The following PPP1R12A variants were observed in gnomAD, a reference collection of about 807,000 sequenced individuals.
PPP1R12A encodes the protein myosin binding subunit.
Under a neutral mutation model 139.6 loss-of-function variants are expected in PPP1R12A, and 19 were observed. The ratio of observed to expected loss-of-function variants is 0.14; its 90% CI spans 0.09 to 0.20. The LOEUF is 0.20. PPP1R12A is among the 10% of genes least tolerant of loss of function. The pLI is 1.00. For synonymous variants in PPP1R12A, 427 were observed against 420.6 expected (o/e 1.02, Z -0.19); for missense variants, 925 against 1,211.5 (o/e 0.76, Z 3.51).
chr12:79,928,460 G>A (rs1447338794), intron 1 of PPP1R12A, among the ~76,000 whole-genome samples: 1 of 152,170 alleles, frequency 6.6e-6, no homozygotes. Context: ...GTTTGTTTAG[G>A]TAGGTTTTTA....
intron 3 of PPP1R12A, among the ~76,000 whole-genome samples, chr12:79,842,575 T>TTGTGTGTGTGTGTG (rs148792533): frequency 2.5e-4 from 36 of 143,934 alleles, no homozygotes; most frequent in African/African-American, 7.7e-4. Flanking sequence ...ATGTGGCACT[T>TTGTGTGTGTGTGTG]TGTGTGTGTG....
intron 1 of PPP1R12A, among the ~76,000 whole-genome samples, chr12:79,910,577 G>T (rs930918308): frequency 6.6e-6 from 1 of 150,874 alleles, no homozygotes. Context: ...AATCTTATAA[G>T]AGCTATGTAA....
At chr12:79,886,710 A>G (rs946212029) in intron 1 of PPP1R12A, among the ~76,000 whole-genome samples, 1 of 152,192 alleles carries the variant, frequency 6.6e-6, no homozygotes, top group African/African-American at 2.4e-5. Context: ...AATTCAAGAC[A>G]AAAAACCCAC....
chr12:79,930,241 T>G (rs1460770162), intron 1 of PPP1R12A, among the ~76,000 whole-genome samples: 1 of 151,996 alleles, frequency 6.6e-6, no homozygotes, highest in Non-Finnish European at 1.5e-5. Flanking sequence ...AAATAAAAAA[T>G]GTAAAGATCT....
intron 4 of PPP1R12A, 132 bp downstream of exon 4, chr12:79,832,200 C>T (rs1226627261): frequency 2.6e-6 from 2 of 780,862 alleles, no homozygotes; most frequent in Middle Eastern, 3.3e-4. Context: ...TTTTCTCTTT[C>T]TTCCTGAAAA....
chr12:79,867,484 TA>T (rs996386318), intron 2 of PPP1R12A, among the ~76,000 whole-genome samples: 4 of 150,228 alleles, frequency 2.7e-5, no homozygotes, highest in African/African-American at 9.9e-5. Context: ...TAAAATAAAA[TA>T]GAAAATATGT....
chr12:79,883,159 CA>C (rs965308728), intron 1 of PPP1R12A, among the ~76,000 whole-genome samples: 28 of 151,500 alleles, frequency 1.8e-4, no homozygotes, highest in African/African-American at 6.8e-4. Flanking sequence ...CAAAACAAAA[CA>C]AAAAAAACCC....
At chr12:79,919,289 G>A (rs1436727637) in intron 1 of PPP1R12A, among the ~76,000 whole-genome samples, 1 of 151,950 alleles carries the variant, frequency 6.6e-6, no homozygotes, top group Non-Finnish European at 1.5e-5. Context: ...GGGCGCGGTG[G>A]CTCACACCTG....
intron 5 of PPP1R12A, chr12:79,823,899 TA>T (rs1361897408): frequency 6.6e-6 from 1 of 152,166 alleles, no homozygotes; most frequent in African/African-American, 2.4e-5. Context: ...CTATGAAGAA[TA>T]TCTTCAAAGT....
At chr12:79,800,267 T>C (rs573173129) in intron 14 of PPP1R12A, among the ~76,000 whole-genome samples, 4 of 152,114 alleles carry the variant, frequency 2.6e-5, no homozygotes, top group Non-Finnish European at 4.4e-5. Flanking sequence ...TCTGCCTCCT[T>C]CCACCTCCAC....
chr12:79,797,770 T>C (rs1367862151), intron 15 of PPP1R12A, among the ~76,000 whole-genome samples: 1 of 152,058 alleles, frequency 6.6e-6, no homozygotes, highest in Non-Finnish European at 1.5e-5. Flanking sequence ...TTAAAAGAGA[T>C]TTCGATAAAT....
In PPP1R12A at chr12:79,786,430, G is replaced by A; in HGVS notation, c.2851C>T (p.His951Tyr). Residue 951 changes from histidine (H) to tyrosine (Y), a missense_variant, in exon 22 of 25, where the codon CAT becomes TAT. Coordinates refer to ENST00000450142, the MANE Select transcript of PPP1R12A (RefSeq NM_002480.3). ...TCTGTTAGTTCCATATTTGTATCAT[G>A]TAGCTGTGCCTTCAGCTTTTCATTT... ...AENEKLKAQL[H>Y]DTNMELTDLK... The A allele has an allele frequency of 6.4e-7, 1 of 1,564,366 alleles. No individual in the cohort carries two copies. Among genetic ancestry groups the A allele is most frequent in the Non-Finnish European group, 8.7e-7 (1 of 1,153,778 alleles).
rs1388715382 is a variant in PPP1R12A at position 79,808,651 on chromosome 12, A to C, written c.1456-74T>G. The C allele has an allele frequency of 3.3e-5, 26 of 786,656 alleles. No homozygotes were observed. In the East Asian group the frequency reaches 5.8e-4, roughly 18 times the overall value. The allele number at this position is 786,656 out of a possible 1,614,324, so 48.7% of individuals were successfully genotyped here. A position where few individuals can be genotyped will look rare whatever the true frequency, so the allele number is the denominator to read the frequency against. ...ATAGGCAATGCTAAAAGTATTAAGA[A>C]AAGGTTATTCAATAATTATAATTAC... On this transcript the variant is annotated intron_variant, in intron 10 of 24. Transcript: ENST00000450142.
rs991483268 is a variant in PPP1R12A at position 79,805,692 on chromosome 12, C to A, written c.1900G>T (p.Val634Phe). The change falls in exon 14 of 25, where the codon GTT (valine) becomes TTT (phenylalanine). Residue 634 changes from valine (V) to phenylalanine (F), a missense_variant. Val to Phe is a conservative substitution (Grantham distance 50). This residue lies in a region of PPP1R12A where 403 missense variants were observed against 463.7 expected (regional missense o/e 0.87). Transcript: ENST00000450142. ...GCAGCATTTACAACAGTTGGAGCAA[C>A]AGGAATGGTCACTGCCGTAGGAACA... ...DSVPTAVTIP[V>F]APTVVNAAAS... The A allele has an allele frequency of 6.2e-7, 1 of 1,613,510 alleles. No individual in the cohort carries two copies. The highest frequency in any genetic ancestry group is 8.5e-7 in the Non-Finnish European group (1 of 1,179,694).
At chr12:79,779,445 G>T (rs1182765815) in intron 23 of PPP1R12A, 1 of 931,880 alleles carries the variant, frequency 1.1e-6, no homozygotes, top group East Asian at 6.1e-5. Context: ...CTGATATTTA[G>T]TCAAGCAGTA....
intron 1 of PPP1R12A, among the ~76,000 whole-genome samples, chr12:79,908,170 T>G (rs143682615): frequency 1.3e-5 from 2 of 152,330 alleles, no homozygotes; most frequent in East Asian, 3.9e-4. Context: ...TGTTAACTCT[T>G]ACAGTGTCTT....
At chr12:79,817,897 T>C (rs1462612965) in intron 8 of PPP1R12A, among the ~76,000 whole-genome samples, 1 of 152,212 alleles carries the variant, frequency 6.6e-6, no homozygotes. Context: ...AAACAACTAT[T>C]ATTACTGATC....
chr12:79,884,260 C>T lies in PPP1R12A; in HGVS notation c.238-11322G>A, dbSNP rs1345990075. ...GAAAGACATTAACACACAGAAATAGCTATTCTCCAATAAATGAAACACTGC... is the reference window on the plus strand; with the variant it reads ...GAAAGACATTAACACACAGAAATAGTTATTCTCCAATAAATGAAACACTGC... On this transcript the variant is annotated intron_variant, in intron 1 of 24. Transcript: ENST00000450142. 3.9e-5 allele frequency among the ~76,000 whole-genome samples: 6 copies of T among 152,080 alleles called. No homozygotes were observed. The South Asian group carries it at 6.2e-4, about 16-fold the overall frequency.
intron 2 of PPP1R12A, among the ~76,000 whole-genome samples, chr12:79,865,182 G>A (rs924305143): frequency 2.6e-5 from 4 of 152,084 alleles, no homozygotes; most frequent in Admixed American, 2.0e-4. Flanking sequence ...ATTAATAAAC[G>A]TAATCCATCA....
Sources: gnomAD v4.1 joint callset for allele counts (sites outside exome capture counted in the v4.1 genomes callset) on GRCh38, gnomAD v4.1.1 for gene constraint, gnomAD v4.1.1 regional missense constraint, MANE v1.5 for transcripts, NCBI Gene and HGNC (gene_info 2026-07-23, HGNC 2026-07-21) for gene names.